The following METTL21A variants were observed in gnomAD, a reference collection of about 807,000 sequenced individuals.
The protein encoded by METTL21A is protein N-lysine methyltransferase METTL21A.
In METTL21A, 22 loss-of-function variants were observed where a neutral mutation model predicts 20.9. The ratio of observed to expected loss-of-function variants is 1.05; its 90% CI spans 0.75 to 1.50. The LOEUF is 1.50. Among genes scored for constraint, METTL21A ranks in the 40% most tolerant of loss-of-function variants. The pLI, the probability that METTL21A is intolerant of heterozygous loss-of-function variation, is 0.00. For synonymous variants in METTL21A, 93 were observed against 102.0 expected (o/e 0.91, Z 0.53); for missense variants, 271 against 266.8 (o/e 1.02, Z -0.11).
At chr2:207,602,819 G>C (rs563533944) in intron 3 of METTL21A, 1 of 218,528 alleles carries the variant, frequency 4.6e-6, no homozygotes, top group South Asian at 1.9e-4. Flanking sequence ...TGGCAAAGAA[G>C]AGTGCTAGTT....
chr2:207,582,147 T>A (rs1368915097), exon 4 of METTL21A: 1 of 702,964 alleles, frequency 1.4e-6, no homozygotes, highest in Admixed American at 2.0e-5. Context: ...GGGAGGAGAA[T>A]TAAATTCCAC....
intron 3 of METTL21A, among the ~76,000 whole-genome samples, chr2:207,603,993 G>T (rs1397072683): frequency 6.6e-6 from 1 of 152,132 alleles, no homozygotes; most frequent in Non-Finnish European, 1.5e-5. Flanking sequence ...GTATTGGAAG[G>T]CTTAATGAAT....
Position 207,613,359 on chromosome 2 carries a change from T to C in METTL21A, c.344A>G (p.Gln115Arg), listed in dbSNP as rs1009557894. ...CAGCTCCTTAACAACAGTTTTAGTT[T>C]GGATATGAGGAGGTAAGTTGGCTTG... The change falls in exon 4 of 4, where the codon CAA (glutamine) becomes CGA (arginine). Residue 115 changes from glutamine to arginine, a missense_variant. By Grantham distance (43) the Gln-to-Arg change is conservative (BLOSUM62 1). Coordinates refer to ENST00000406927, the Ensembl canonical transcript of METTL21A. 2.4e-5 allele frequency: 38 copies of C among 1,613,646 alleles called. No individual in the cohort carries two copies. The highest frequency in any genetic ancestry group is 3.0e-5 in the Non-Finnish European group (35 of 1,179,976).
downstream of METTL21A, among the ~76,000 whole-genome samples, chr2:207,605,691 C>T (rs1163061452): frequency 1.3e-5 from 2 of 152,152 alleles, no homozygotes; most frequent in African/African-American, 4.8e-5. Flanking sequence ...TAAACTGCTG[C>T]CATTGTACAG....
chr2:207,619,224 A>G (rs1232652097), intron 3 of METTL21A, among the ~76,000 whole-genome samples: 2 of 150,610 alleles, frequency 1.3e-5, no homozygotes, highest in African/African-American at 4.9e-5. Context: ...CACTAAACTC[A>G]GAACGTAAGC....
At chr2:207,617,119 T>C (rs954039277) in intron 3 of METTL21A, among the ~76,000 whole-genome samples, 1 of 152,126 alleles carries the variant, frequency 6.6e-6, no homozygotes, top group Non-Finnish European at 1.5e-5. Flanking sequence ...CCATTAGTAA[T>C]GGGAAAAGAA....
rs920978833 is a variant in METTL21A at position 207,596,435 on chromosome 2, TTTTG to T, written c.260-14279_260-14276del. ...GTCTTGTTTGTTTATGGAGTTGTTT[TTTTG>T]TTTGTTTCTTTGAGACGGAGTCTCA... On this transcript the variant is annotated intron_variant, in intron 3 of 3. Transcript: ENST00000425132. Among the ~76,000 whole-genome samples, 15 of 152,248 alleles carry T rather than the reference TTTTG, an allele frequency of 9.9e-5. 1 individual carries two copies. Among genetic ancestry groups the T allele is most frequent in the Non-Finnish European group, 1.5e-5 (1 of 68,046 alleles).
downstream of METTL21A, among the ~76,000 whole-genome samples, chr2:207,608,628 G>T (rs1047740952): frequency 6.6e-6 from 1 of 152,132 alleles, no homozygotes; most frequent in Non-Finnish European, 1.5e-5. Flanking sequence ...CAAAGTTAAT[G>T]AATCTTAAAG....
exon 2 of METTL21A, chr2:207,624,231 C>T: frequency 6.2e-7 from 1 of 1,600,812 alleles, no homozygotes; most frequent in Non-Finnish European, 8.5e-7. Flanking sequence ...TTACTTACCG[C>T]ATCCCAAACC....
chr2:207,618,339 C>T (rs930753222), intron 3 of METTL21A, among the ~76,000 whole-genome samples: 2 of 151,898 alleles, frequency 1.3e-5, no homozygotes, highest in African/African-American at 4.8e-5. Context: ...AGTAACAAAC[C>T]CTGTATATAA....
At chr2:207,614,633 T>C (rs769484724) in intron 3 of METTL21A, among the ~76,000 whole-genome samples, 6 of 152,208 alleles carry the variant, frequency 3.9e-5, no homozygotes, top group Non-Finnish European at 8.8e-5. Flanking sequence ...AAATGCTTGT[T>C]CTTAATGCTA....
At chr2:207,586,866 T>C (rs1235399045) in intron 3 of METTL21A, among the ~76,000 whole-genome samples, 1 of 152,168 alleles carries the variant, frequency 6.6e-6, no homozygotes, top group African/African-American at 2.4e-5. Context: ...ATGGTTATTA[T>C]CAAAAAGACA....
chr2:207,613,044 A>T, exon 4 of METTL21A: 1 of 1,544,178 alleles, frequency 6.5e-7, no homozygotes, highest in Non-Finnish European at 8.7e-7. Context: ...AATTATAGCC[A>T]ATTATAAGTC....
At chr2:207,606,570 T>G (rs1460104793), downstream of METTL21A, among the ~76,000 whole-genome samples, 2 of 152,180 alleles carry the variant, frequency 1.3e-5, no homozygotes, top group Admixed American at 6.5e-5. Context: ...AGTACAAGTT[T>G]CCAGCTTCCC....
At chr2:207,586,941 C>T (rs1054103096) in intron 3 of METTL21A, among the ~76,000 whole-genome samples, 6 of 152,230 alleles carry the variant, frequency 3.9e-5, no homozygotes, top group Admixed American at 1.3e-4. Flanking sequence ...TAGGAAGTAT[C>T]ATTAGTTAGA....
downstream of METTL21A, chr2:207,610,752 G>C (rs1575106391): frequency 3.6e-5 from 1 of 28,028 alleles, no homozygotes; most frequent in Non-Finnish European, 6.3e-5. Context: ...GAAGTGAGGA[G>C]CCCCTCTGCC....
At chr2:207,583,797 GTTATATAATACTAAGTA>G (rs1246709029) in intron 3 of METTL21A, among the ~76,000 whole-genome samples, 1 of 152,186 alleles carries the variant, frequency 6.6e-6, no homozygotes, top group African/African-American at 2.4e-5. Context: ...TTAACTAACA[GTTATATAATACTAAGTA>G]TTCTCTTATA....
intron 3 of METTL21A, chr2:207,620,600 A>C (rs1372095387): frequency 4.9e-6 from 7 of 1,420,104 alleles, no homozygotes; most frequent in Non-Finnish European, 6.5e-6. Context: ...ATGAAAATTA[A>C]AAATAATACC....
At position 207,624,222 on chromosome 2, in the gene METTL21A, T is replaced by G; in HGVS notation, c.147+7A>C. ...ACGTTTTCAGAGGTCCCCCAGGGCT[T>G]ACTTACCGCATCCCAAACCACCGCT... On this transcript the variant is annotated splice_region_variant and intron_variant, in intron 2 of 3. Coordinates refer to ENST00000406927, the Ensembl canonical transcript of METTL21A. 7 of 1,596,760 alleles carry G rather than the reference T, an allele frequency of 4.4e-6. No homozygotes were observed. The highest frequency in any genetic ancestry group is 1.4e-5 in the African/African-American group (1 of 74,050).
Sources: gnomAD v4.1 joint callset for allele counts (sites outside exome capture counted in the v4.1 genomes callset) on GRCh38, gnomAD v4.1.1 for gene constraint, MANE v1.5 for transcripts, NCBI Gene and HGNC (gene_info 2026-07-23, HGNC 2026-07-21) for gene names.